Variants in PLBD1 observed in about 807,000 individuals in gnomAD.
The protein encoded by PLBD1 is phospholipase B domain containing 1, also known as lysosomal leucine aminopeptidase.
A neutral mutation model predicts 63.0 loss-of-function variants in PLBD1; 60 were observed. That is an observed-to-expected ratio of 0.95 (90% confidence interval 0.77 to 1.18). PLBD1 has a LOEUF of 1.18. PLBD1 is among the 50% of genes most tolerant of loss of function. PLBD1 has a pLI of 0.00. For missense variants in PLBD1, 598 were observed against 677.9 expected (o/e 0.88, Z 1.31); for synonymous variants, 262 against 248.0 (o/e 1.06, Z -0.53).
intron 2 of PLBD1, among the ~76,000 whole-genome samples, chr12:14,542,679 T>C (rs539485042): frequency 1.3e-5 from 2 of 152,240 alleles, no homozygotes; most frequent in Non-Finnish European, 2.9e-5. Flanking sequence ...TGCATGTTTT[T>C]ATGCAATTAC....
At chr12:14,523,170 A>C (rs1160035181) in intron 6 of PLBD1, among the ~76,000 whole-genome samples, 1 of 152,178 alleles carries the variant, frequency 6.6e-6, no homozygotes, top group East Asian at 1.9e-4. Context: ...TGCAGGATAT[A>C]AAATCAATAT....
intron 1 of PLBD1, among the ~76,000 whole-genome samples, chr12:14,556,569 A>G (rs1945706263): frequency 1.3e-5 from 2 of 151,840 alleles, no homozygotes; most frequent in Admixed American, 6.6e-5. Flanking sequence ...TTGTTTCTCC[A>G]GGTTGGTCAG....
intron 8 of PLBD1, 57 bp downstream of exon 8, chr12:14,511,203 A>T: frequency 1.3e-5 from 18 of 1,383,352 alleles, no homozygotes; most frequent in Non-Finnish European, 1.8e-5. Flanking sequence ...TTCCCCTACC[A>T]TATATGAACA....
chr12:14,506,296 G>T, intron 9 of PLBD1, 28 bp from the exon 10 acceptor site: 1 of 1,483,456 alleles, frequency 6.7e-7, no homozygotes, highest in Non-Finnish European at 9.4e-7. Context: ...GGAAGAGAGT[G>T]ATTATTGGCT....
chr12:14,506,634 C>T (rs1390494879), intron 9 of PLBD1, among the ~76,000 whole-genome samples: 4 of 151,888 alleles, frequency 2.6e-5, no homozygotes, highest in Non-Finnish European at 5.9e-5. Flanking sequence ...TGCTGTTATC[C>T]TTGGAAGGAA....
chr12:14,554,610 TTCC>T (rs919310899), intron 1 of PLBD1, among the ~76,000 whole-genome samples: 1 of 151,992 alleles, frequency 6.6e-6, no homozygotes, highest in African/African-American at 2.4e-5. Flanking sequence ...CACCCTGCAC[TTCC>T]TCCTCCTGTC....
intron 6 of PLBD1, chr12:14,530,232 A>G (rs966477418): frequency 1.3e-5 from 2 of 152,364 alleles, no homozygotes; most frequent in African/African-American, 2.4e-5. Context: ...CCACCCTGTC[A>G]GCTATGTTAG....
At chr12:14,510,238 C>G (rs981803921) in intron 8 of PLBD1, among the ~76,000 whole-genome samples, 2 of 151,956 alleles carry the variant, frequency 1.3e-5, no homozygotes, top group Non-Finnish European at 2.9e-5. Flanking sequence ...TAAAAACACA[C>G]AAAAAATTAG....
intron 1 of PLBD1, among the ~76,000 whole-genome samples, chr12:14,556,607 G>T (rs1176575203): frequency 6.6e-6 from 1 of 151,136 alleles, no homozygotes; most frequent in Non-Finnish European, 1.5e-5. Context: ...AACCTCAGGT[G>T]ATCCGCCTGC....
chr12:14,510,018 T>C (rs916317845), intron 8 of PLBD1, among the ~76,000 whole-genome samples: 1 of 152,054 alleles, frequency 6.6e-6, no homozygotes, highest in African/African-American at 2.4e-5. Flanking sequence ...ATGGAGTGCA[T>C]GGATTATATG....
At chr12:14,533,613 A>G (rs1945485393) in intron 6 of PLBD1, among the ~76,000 whole-genome samples, 1 of 152,230 alleles carries the variant, frequency 6.6e-6, no homozygotes, top group African/African-American at 2.4e-5. Flanking sequence ...ATTGCATTTT[A>G]TCACAAAGAT....
At chr12:14,543,768 A>T (rs1945594018) in intron 2 of PLBD1, among the ~76,000 whole-genome samples, 1 of 152,152 alleles carries the variant, frequency 6.6e-6, no homozygotes, top group Non-Finnish European at 1.5e-5. Context: ...CTTTACAATT[A>T]AATTGTATTA....
In PLBD1 at chr12:14,567,617, AGCG is replaced by A. The variant is rs749687666; in HGVS notation, c.77_79del (p.Pro26del). ...CGGCGGCTCCGCGGTGACTAACAAC[AGCG>A]GCAGCAGCAGCAGCAGCAGCAGAAG... On this transcript the variant is annotated inframe_deletion, in exon 1 of 11. Transcript: ENST00000240617. 8.4e-5 allele frequency: 119 copies of A among 1,423,056 alleles called. No homozygotes were observed. Among genetic ancestry groups the A allele is most frequent in the Admixed American group, 7.2e-4 (29 of 40,010 alleles). 88.2% of individuals were successfully genotyped at this position (1,423,056 alleles called of 1,614,324 possible).
At chr12:14,525,879 C>T (rs1945412530) in intron 6 of PLBD1, among the ~76,000 whole-genome samples, 1 of 151,960 alleles carries the variant, frequency 6.6e-6, no homozygotes, top group Non-Finnish European at 1.5e-5. Context: ...ATTTTAAGTT[C>T]CTATATATTT....
rs1021346177 is a variant in PLBD1, at chr12:14,553,247, C to T, written c.281G>A (p.Ser94Asn). 6.8e-6 allele frequency: 11 copies of T among 1,614,102 alleles called. No individual in the cohort carries two copies. The highest frequency in any genetic ancestry group is 8.5e-6 in the Non-Finnish European group (10 of 1,180,020). ...AGCCACAAACATGATGATCTCATTG[C>T]TCAGGGTTTGAGAGCCATAGCCAGC... is the stretch of plus-strand genomic sequence containing the variant. Reference protein sequence around the residue: ...IRAGYGSQTLSNEIIMFVAGF... With the variant: ...IRAGYGSQTLNNEIIMFVAGF... The change falls in exon 2 of 11, where the codon AGC (serine) becomes AAC (asparagine). Residue 94 changes from serine to asparagine, a missense_variant. Transcript: ENST00000240617.
At chr12:14,504,123 C>T (rs1249130979) in intron 10 of PLBD1, among the ~76,000 whole-genome samples, 169 bp from the exon 11 acceptor site, 1 of 152,184 alleles carries the variant, frequency 6.6e-6, no homozygotes, top group Non-Finnish European at 1.5e-5. Flanking sequence ...AATCTCAGCT[C>T]ATTGCAACCT....
Position 14,536,726 on chromosome 12 carries a change from G to GA in PLBD1, c.559-17dup, listed in dbSNP as rs1429984887. 6.2e-7 allele frequency: 1 copy of GA among 1,612,318 alleles called. No homozygotes were observed. The highest frequency in any genetic ancestry group is 1.7e-5 in the Admixed American group (1 of 59,826). On this transcript the variant is annotated splice_polypyrimidine_tract_variant and intron_variant, in intron 4 of 10. Coordinates refer to ENST00000240617, the MANE Select transcript of PLBD1 (RefSeq NM_024829.6). ...GGGTCATTGGCTAGGAAAGGACAAA[G>GA]ACTGCACTTAACATCGTTTTGTGAC...
chr12:14,515,348 G>C (rs1945329408), intron 6 of PLBD1, among the ~76,000 whole-genome samples: 1 of 152,074 alleles, frequency 6.6e-6, no homozygotes, highest in Non-Finnish European at 1.5e-5. Flanking sequence ...TGATCTGGCA[G>C]AAGACATCAG....
At chr12:14,508,719 G>A (rs1455660578) in intron 8 of PLBD1, among the ~76,000 whole-genome samples, 2 of 152,150 alleles carry the variant, frequency 1.3e-5, no homozygotes, top group South Asian at 2.1e-4. Flanking sequence ...GTAGTGAGCC[G>A]AGATCACGCA....
Sources: gnomAD v4.1 joint callset for allele counts (sites outside exome capture counted in the v4.1 genomes callset) on GRCh38, gnomAD v4.1.1 for gene constraint, MANE v1.5 for transcripts, NCBI Gene and HGNC (gene_info 2026-07-23, HGNC 2026-07-21) for gene names.